The following TEX26 variants were observed in gnomAD, a reference collection of about 807,000 sequenced individuals.
TEX26 encodes the protein testis-expressed protein 26.
TEX26 carries 34 observed loss-of-function variants against 35.3 expected under a neutral mutation model. The ratio of observed to expected loss-of-function variants is 0.96; its 90% CI spans 0.73 to 1.28. TEX26 has a LOEUF of 1.28. Among genes scored for constraint, TEX26 ranks in the 50% most tolerant of loss-of-function variants. The pLI is 0.00. For missense variants in TEX26, 371 were observed against 330.1 expected, an observed-to-expected ratio of 1.12 and a Z score of -0.96; for synonymous variants, 136 against 111.8, an observed-to-expected ratio of 1.22 and a Z score of -1.36.
intron 2 of TEX26, among the ~76,000 whole-genome samples, chr13:30,945,378 T>A (rs1030036320): frequency 5.3e-5 from 8 of 151,854 alleles, no homozygotes; most frequent in African/African-American, 1.9e-4. Flanking sequence ...GCAGATATTC[T>A]GTGGTTTGTG....
At chr13:30,944,877 G>A (rs1487956601) in intron 2 of TEX26, among the ~76,000 whole-genome samples, 2 of 151,898 alleles carry the variant, frequency 1.3e-5, no homozygotes, top group African/African-American at 4.8e-5. Flanking sequence ...GGTCTATATT[G>A]AAGAATGTCC....
intron 1 of TEX26, among the ~76,000 whole-genome samples, chr13:30,937,511 C>T (rs576880544): frequency 6.8e-4 from 90 of 133,094 alleles, no homozygotes; most frequent in Non-Finnish European, 1.2e-3. Flanking sequence ...TTAGAGAAGG[C>T]TTCTTTTACG....
At chr13:30,949,058 C>T (rs770050614) in intron 2 of TEX26, among the ~76,000 whole-genome samples, 27 of 152,204 alleles carry the variant, frequency 1.8e-4, no homozygotes, top group South Asian at 8.3e-4. Context: ...TGTAGATATG[C>T]GGCATTATTT....
intron 2 of TEX26, among the ~76,000 whole-genome samples, chr13:30,944,024 G>T (rs1011592298): frequency 6.6e-6 from 1 of 152,040 alleles, no homozygotes; most frequent in Non-Finnish European, 1.5e-5. Context: ...AGTTTCAGTA[G>T]GATTGGCACC....
chr13:30,955,737 G>A (rs1954103525), intron 3 of TEX26, among the ~76,000 whole-genome samples: 1 of 152,210 alleles, frequency 6.6e-6, no homozygotes, highest in African/African-American at 2.4e-5. Flanking sequence ...AGAGAAGTAA[G>A]GACTGTTGGA....
chr13:30,953,265 TG>T (rs778717916), intron 3 of TEX26, among the ~76,000 whole-genome samples: 5 of 152,206 alleles, frequency 3.3e-5, no homozygotes, highest in Non-Finnish European at 7.4e-5. Flanking sequence ...ATATTTTACA[TG>T]TGGAATCAAT....
intron 3 of TEX26, among the ~76,000 whole-genome samples, chr13:30,954,319 C>T (rs1038699606): frequency 8.2e-5 from 10 of 121,338 alleles, no homozygotes; most frequent in Non-Finnish European, 1.8e-4. Flanking sequence ...CACACACACA[C>T]ATATATGTAT....
chr13:30,955,455 A>G (rs1954092464), intron 3 of TEX26, among the ~76,000 whole-genome samples: 1 of 152,208 alleles, frequency 6.6e-6, no homozygotes, highest in African/African-American at 2.4e-5. Flanking sequence ...AATTTTATGT[A>G]TTGGTTTTTC....
At chr13:30,973,988 G>C (rs903673202) in intron 6 of TEX26, among the ~76,000 whole-genome samples, 2 of 151,438 alleles carry the variant, frequency 1.3e-5, no homozygotes, top group African/African-American at 4.9e-5. Flanking sequence ...GGGCATGGTG[G>C]TTCATGCCTG....
chr13:30,950,417 T>C (rs1056049998), intron 2 of TEX26, among the ~76,000 whole-genome samples: 2 of 152,090 alleles, frequency 1.3e-5, no homozygotes, highest in African/African-American at 4.8e-5. Flanking sequence ...ATATTTAAAG[T>C]AGTCAGCATG....
intron 4 of TEX26, among the ~76,000 whole-genome samples, chr13:30,961,417 G>T (rs1954337758): frequency 6.6e-6 from 1 of 152,244 alleles, no homozygotes; most frequent in African/African-American, 2.4e-5. Flanking sequence ...GAGCCTGCAA[G>T]TGTTCTGTAG....
At chr13:30,954,381 T>A (rs1954049107) in intron 3 of TEX26, among the ~76,000 whole-genome samples, 1 of 147,902 alleles carries the variant, frequency 6.8e-6, no homozygotes, top group African/African-American at 2.5e-5. Flanking sequence ...TAAAAATATA[T>A]ATATCTAAAT....
At chr13:30,940,629 G>A (rs1953459143) in intron 2 of TEX26, among the ~76,000 whole-genome samples, 1 of 152,024 alleles carries the variant, frequency 6.6e-6, no homozygotes, top group African/African-American at 2.4e-5. Flanking sequence ...CACCACATCC[G>A]GCTGCCCCAT....
intron 2 of TEX26, among the ~76,000 whole-genome samples, chr13:30,946,242 A>T (rs1328350912): frequency 2.0e-5 from 3 of 151,778 alleles, no homozygotes; most frequent in Non-Finnish European, 4.4e-5. Flanking sequence ...TAGTCTGTTA[A>T]AACTTTCCAC....
At chr13:30,970,650 C>G (rs1954683726) in intron 6 of TEX26, among the ~76,000 whole-genome samples, 1 of 152,228 alleles carries the variant, frequency 6.6e-6, no homozygotes, top group Admixed American at 6.5e-5. Context: ...TAAGCAGATG[C>G]TCCCATCTGC....
chr13:30,942,449 T>TGTTAGC (rs1953549440), intron 2 of TEX26, among the ~76,000 whole-genome samples: 1 of 152,172 alleles, frequency 6.6e-6, no homozygotes, highest in Non-Finnish European at 1.5e-5. Context: ...TGCAAATATT[T>TGTTAGC]TTCTCCTATT....
chr13:30,974,131 A>AAAAAAAAAATATAT, intron 6 of TEX26, among the ~76,000 whole-genome samples: 18 of 84,428 alleles, frequency 2.1e-4, no homozygotes, highest in African/African-American at 8.6e-4. Flanking sequence ...AAAAAAAAAA[A>AAAAAAAAAATATAT]ATATATATAT....
chr13:30,932,742 G>A lies in TEX26; in HGVS notation c.27G>A (p.Pro9=). 2 of 1,613,794 alleles carry A rather than the reference G, an allele frequency of 1.2e-6. No individual in the cohort carries two copies. The highest frequency in any genetic ancestry group is 1.7e-6 in the Non-Finnish European group (2 of 1,179,982). The change falls in exon 1 of 7, where the codon CCG becomes CCA. Residue 9 remains proline, a synonymous_variant. Transcript: ENST00000380473. MEQPGPRA[P]DPSLCHHNLQ... ...TGGAACAGCCTGGGCCCAGGGCTCC[G>A]GATCCCTCTCTCTGCCACCACAACC...
intron 4 of TEX26, among the ~76,000 whole-genome samples, chr13:30,963,533 G>A (rs1466708163): frequency 6.6e-6 from 1 of 152,216 alleles, no homozygotes; most frequent in Admixed American, 6.5e-5. Flanking sequence ...TAGTTTACTA[G>A]GAGTTACCTT....
Sources: allele counts gnomAD v4.1 joint callset (sites outside exome capture counted in the v4.1 genomes callset), GRCh38; gene constraint gnomAD v4.1.1; transcripts MANE v1.5; gene names NCBI Gene and HGNC (gene_info 2026-07-23, HGNC 2026-07-21).